The following SPOCK3 variants were observed in gnomAD, a reference collection of about 807,000 sequenced individuals.
SPOCK3 encodes SPARC (osteonectin), cwcv and kazal like domains proteoglycan 3.
SPOCK3 carries 30 observed loss-of-function variants against 56.6 expected under a neutral mutation model. That is an observed-to-expected ratio of 0.53 (90% CI 0.40 to 0.72). SPOCK3 has a LOEUF of 0.72. SPOCK3 is among the 30% of genes least tolerant of loss of function. The pLI, the probability that SPOCK3 is intolerant of heterozygous loss-of-function variation, is 0.00. For synonymous variants in SPOCK3, 196 were observed against 183.3 expected (o/e 1.07, Z -0.56); for missense variants, 527 against 530.0 (o/e 0.99, Z 0.06).
At chr4:166,891,066 G>A (rs1208163037) in intron 5 of SPOCK3, among the ~76,000 whole-genome samples, 1 of 151,818 alleles carries the variant, frequency 6.6e-6, no homozygotes, top group Non-Finnish European at 1.5e-5. Flanking sequence ...CAGAGATTAG[G>A]ATTGCAACCC....
chr4:167,134,301 G>C (rs1427934297), intron 2 of SPOCK3, among the ~76,000 whole-genome samples: 5 of 151,864 alleles, frequency 3.3e-5, no homozygotes, highest in African/African-American at 1.2e-4. Context: ...CCAAAATGCT[G>C]GGATTACAGG....
chr4:167,030,819 G>T (rs1391088293), intron 3 of SPOCK3, among the ~76,000 whole-genome samples: 1 of 151,906 alleles, frequency 6.6e-6, no homozygotes, highest in Non-Finnish European at 1.5e-5. Flanking sequence ...TTTAAATAAA[G>T]TTTCTAGCAA....
intron 3 of SPOCK3, among the ~76,000 whole-genome samples, chr4:167,016,375 C>T (rs1214343209): frequency 6.6e-6 from 1 of 151,936 alleles, no homozygotes; most frequent in Non-Finnish European, 1.5e-5. Flanking sequence ...TAAAATGCTG[C>T]TATATATTTT....
intron 6 of SPOCK3, among the ~76,000 whole-genome samples, chr4:166,844,370 C>G (rs1006257523): frequency 1.3e-5 from 2 of 152,174 alleles, no homozygotes; most frequent in African/African-American, 4.8e-5. Context: ...ATAGTCTATT[C>G]TATGAATCAA....
chr4:167,207,197 T>C (rs1412228244), intron 2 of SPOCK3, among the ~76,000 whole-genome samples: 1 of 152,072 alleles, frequency 6.6e-6, no homozygotes, highest in Non-Finnish European at 1.5e-5. Flanking sequence ...TAATAAGTAT[T>C]GACAGATGTG....
At chr4:167,059,251 T>A (rs1296485645) in intron 3 of SPOCK3, among the ~76,000 whole-genome samples, 1 of 152,086 alleles carries the variant, frequency 6.6e-6, no homozygotes, top group Non-Finnish European at 1.5e-5. Flanking sequence ...CAACCTGCTC[T>A]TCTGACAAAG....
chr4:166,742,532 A>T (rs934743203), intron 8 of SPOCK3, among the ~76,000 whole-genome samples: 4 of 152,180 alleles, frequency 2.6e-5, no homozygotes, highest in African/African-American at 9.6e-5. Context: ...TGTGATATAG[A>T]CAAGTAACTT....
chr4:167,010,732 CGAT>C (rs1221349540), intron 3 of SPOCK3, among the ~76,000 whole-genome samples: 2 of 151,594 alleles, frequency 1.3e-5, no homozygotes, highest in African/African-American at 4.9e-5. Context: ...TTGCAAGAAG[CGAT>C]GATGAGCAAT....
At chr4:167,086,678 T>A (rs564783135) in intron 2 of SPOCK3, among the ~76,000 whole-genome samples, 5 of 152,254 alleles carry the variant, frequency 3.3e-5, no homozygotes, top group African/African-American at 9.6e-5. Context: ...TAAACTGTCA[T>A]TGTATTTTTC....
chr4:167,116,585 T>TATATATATATACGTATATACTATATAC (rs1491119807), intron 2 of SPOCK3, among the ~76,000 whole-genome samples: 1 of 113,600 alleles, frequency 8.8e-6, no homozygotes, highest in African/African-American at 3.6e-5. Context: ...TATATAGTTT[T>TATATATATATACGTATATACTATATAC]GTATATATAT....
intron 2 of SPOCK3, among the ~76,000 whole-genome samples, chr4:167,182,507 A>G (rs1043481398): frequency 8.5e-5 from 13 of 152,110 alleles, no homozygotes; most frequent in African/African-American, 2.9e-4. Flanking sequence ...CAATCATAAA[A>G]ACATACCTGA....
At chr4:166,881,175 G>A (rs1250491302) in intron 6 of SPOCK3, among the ~76,000 whole-genome samples, 2 of 151,832 alleles carry the variant, frequency 1.3e-5, no homozygotes, top group African/African-American at 4.8e-5. Flanking sequence ...AAAATTCACA[G>A]GCATAGTTTA....
At chr4:166,883,055 T>C (rs570750390) in intron 6 of SPOCK3, 2 of 152,268 alleles carry the variant, frequency 1.3e-5, no homozygotes, top group Admixed American at 6.5e-5. Flanking sequence ...GTTAATCTGT[T>C]TCTCATTGAA....
chr4:167,024,028 A>G (rs143653793), intron 3 of SPOCK3, among the ~76,000 whole-genome samples: 1,894 of 152,094 alleles, frequency 0.012, 19 homozygotes, highest in Non-Finnish European at 0.019. Flanking sequence ...TCACCTATGC[A>G]GATGCTATTA....
At chr4:166,906,698 C>T (rs1736656769) in intron 5 of SPOCK3, among the ~76,000 whole-genome samples, 1 of 151,734 alleles carries the variant, frequency 6.6e-6, no homozygotes, top group Admixed American at 6.6e-5. Flanking sequence ...ATCACAGGCT[C>T]TAATTCAGTG....
At chr4:167,040,782 G>T (rs1196312921) in intron 3 of SPOCK3, among the ~76,000 whole-genome samples, 2 of 152,220 alleles carry the variant, frequency 1.3e-5, no homozygotes, top group African/African-American at 2.4e-5. Flanking sequence ...GCCATTCAAT[G>T]AATTTGTAGA....
At chr4:166,754,124 T>C (rs964307055) in intron 8 of SPOCK3, 6 of 981,750 alleles carry the variant, frequency 6.1e-6, no homozygotes, top group African/African-American at 1.7e-5. Context: ...AAATAGAACA[T>C]TAAAACTCCA....
intron 7 of SPOCK3, among the ~76,000 whole-genome samples, chr4:166,783,802 T>C (rs1206779159): frequency 1.3e-5 from 2 of 152,168 alleles, no homozygotes; most frequent in African/African-American, 4.8e-5. Flanking sequence ...AAGACACCTA[T>C]TTTGCAAACA....
intron 6 of SPOCK3, among the ~76,000 whole-genome samples, chr4:166,817,490 A>T (rs1744493612): frequency 6.6e-6 from 1 of 152,066 alleles, no homozygotes; most frequent in Admixed American, 6.6e-5. Context: ...CCCAACTGAT[A>T]GTAGCAGAAG....
Sources: allele counts gnomAD v4.1 joint callset (sites outside exome capture counted in the v4.1 genomes callset), GRCh38; gene constraint gnomAD v4.1.1; transcripts MANE v1.5; gene names NCBI Gene and HGNC (gene_info 2026-07-23, HGNC 2026-07-21).